CHMP2B: variants seen among roughly 807,000 people sequenced by gnomAD.
The protein encoded by CHMP2B is VPS2 homolog B.
Under a neutral mutation model 29.8 loss-of-function variants are expected in CHMP2B, and 22 were observed. That is an observed-to-expected ratio of 0.74 (90% CI 0.53 to 1.05). The LOEUF is 1.05. Ranked by LOEUF, CHMP2B falls within the 50% of genes least tolerant of loss-of-function variation. CHMP2B has a pLI of 0.00. For synonymous variants in CHMP2B, 78 were observed against 75.8 expected, an observed-to-expected ratio of 1.03 and a Z score of -0.15; for missense variants, 261 against 252.2, an observed-to-expected ratio of 1.03 and a Z score of -0.24.
rs918283842 is a variant in CHMP2B, at chr3:87,242,586, A to G, written c.126+1796A>G. 2.0e-5 allele frequency among the ~76,000 whole-genome samples: 3 copies of G among 152,304 alleles called. No individual in the cohort carries two copies. In the South Asian group the frequency reaches 6.2e-4, roughly 32 times the overall value. On this transcript the variant is annotated intron_variant, in intron 2 of 5. Transcript: ENST00000263780. ...TTCTCCTATGTTTTCTTCTAGAAAT[A>G]TTACAGTTTTAGTTCTTACATTTAA...
At chr3:87,250,189 T>A (rs1413069784) in intron 4 of CHMP2B, among the ~76,000 whole-genome samples, 1 of 151,992 alleles carries the variant, frequency 6.6e-6, no homozygotes, top group African/African-American at 2.4e-5. Flanking sequence ...TTTACTTTAC[T>A]GATTAGTATA....
At chr3:87,246,463 T>G (rs934942531) in intron 3 of CHMP2B, among the ~76,000 whole-genome samples, 2 of 152,112 alleles carry the variant, frequency 1.3e-5, no homozygotes, top group Non-Finnish European at 2.9e-5. Context: ...AAAGATCACA[T>G]GTAGCTTCTA....
At chr3:87,245,972 T>G in intron 3 of CHMP2B, 64 bp downstream of exon 3, 4 of 1,377,402 alleles carry the variant, frequency 2.9e-6, no homozygotes, top group Non-Finnish European at 4.1e-6. Context: ...ATATCAATAT[T>G]GAAAGCAGAT....
chr3:87,237,304 G>A (rs773729918), intron 1 of CHMP2B, among the ~76,000 whole-genome samples: 1 of 152,052 alleles, frequency 6.6e-6, no homozygotes, highest in South Asian at 2.1e-4. Context: ...GTATGTAATC[G>A]AGGTTAAATA....
chr3:87,249,839 A>C, intron 3 of CHMP2B, 36 bp from the exon 4 acceptor site: 1 of 1,299,694 alleles, frequency 7.7e-7, no homozygotes, highest in Non-Finnish European at 1.1e-6. Context: ...TTTCATAATT[A>C]TGGAAGTAAC....
At position 87,245,880 on chromosome 3, in the gene CHMP2B, T is replaced by C. The variant is rs779839985; in HGVS notation, c.293T>C (p.Met98Thr). Residue 98 changes from methionine to threonine, a missense_variant, in exon 3 of 6, where the codon ATG (methionine) becomes ACG (threonine). Physicochemically the swap from Met to Thr is moderately conservative, Grantham distance 81. Transcript: ENST00000263780. ...QTKVMNSQMKMAGAMSTTAKT... is the reference protein window; with the variant it reads ...QTKVMNSQMKTAGAMSTTAKT... ...AAAGTGATGAATTCCCAAATGAAGA[T>C]GGCTGGAGCAATGTCTACTACAGCA... 7.4e-6 allele frequency: 12 copies of C among 1,613,336 alleles called. No individual in the cohort carries two copies. The South Asian group carries it at 1.1e-4, about 15-fold the overall frequency.
intron 1 of CHMP2B, among the ~76,000 whole-genome samples, chr3:87,237,820 T>C (rs1374261185): frequency 6.6e-6 from 1 of 152,134 alleles, no homozygotes; most frequent in Non-Finnish European, 1.5e-5. Context: ...TTAAATGAAA[T>C]GTATGTTTCC....
At chr3:87,240,051 T>A (rs1236006526) in intron 1 of CHMP2B, among the ~76,000 whole-genome samples, 1 of 151,816 alleles carries the variant, frequency 6.6e-6, no homozygotes, top group Non-Finnish European at 1.5e-5. Flanking sequence ...TAAGGAAACA[T>A]GAAAAGGGTG....
rs1187466667 is a variant in CHMP2B, at chr3:87,241,042, G to A, written c.126+252G>A. Among the ~76,000 whole-genome samples, 3 of 152,164 alleles carry A rather than the reference G, an allele frequency of 2.0e-5. No individual in the cohort carries two copies. In the East Asian group the frequency reaches 5.8e-4, roughly 29 times the overall value. ...ATTCTTCAGTTTGTGAGAGTCATAA[G>A]TATCTAGGAAGAAAGATTGCTCAAG... On this transcript the variant is annotated intron_variant, in intron 2 of 5. Coordinates refer to ENST00000263780, the MANE Select transcript of CHMP2B (RefSeq NM_014043.4).
At chr3:87,244,000 CTTTG>C (rs1473438740) in intron 2 of CHMP2B, among the ~76,000 whole-genome samples, 1 of 133,970 alleles carries the variant, frequency 7.5e-6, no homozygotes, top group Non-Finnish European at 1.6e-5. Flanking sequence ...ATGGATTTTT[CTTTG>C]TTTCTGTTTT....
intron 1 of CHMP2B, among the ~76,000 whole-genome samples, chr3:87,228,878 C>G (rs1049939804): frequency 4.0e-5 from 6 of 151,334 alleles, no homozygotes; most frequent in Non-Finnish European, 7.4e-5. Context: ...TTTATTTTTT[C>G]AGTGTTTTAG....
At chr3:87,235,437 T>A (rs983761423) in intron 1 of CHMP2B, among the ~76,000 whole-genome samples, 2 of 152,186 alleles carry the variant, frequency 1.3e-5, no homozygotes, top group Admixed American at 1.3e-4. Flanking sequence ...GTGTTGTGAT[T>A]ATGTTTTAGT....
At chr3:87,237,404 A>G (rs1304411004) in intron 1 of CHMP2B, among the ~76,000 whole-genome samples, 1 of 152,204 alleles carries the variant, frequency 6.6e-6, no homozygotes, top group South Asian at 2.1e-4. Flanking sequence ...CACAGCAAGA[A>G]GGTGGCCATC....
intron 2 of CHMP2B, among the ~76,000 whole-genome samples, chr3:87,242,036 A>T (rs549449055): frequency 1.3e-5 from 2 of 152,276 alleles, no homozygotes; most frequent in South Asian, 4.1e-4. Context: ...TTTCATTTTC[A>T]TAATCACTAA....
At chr3:87,244,362 T>A (rs1706175532) in intron 2 of CHMP2B, among the ~76,000 whole-genome samples, 1 of 151,852 alleles carries the variant, frequency 6.6e-6, no homozygotes, top group African/African-American at 2.4e-5. Flanking sequence ...TATATATATA[T>A]ATTTTTTGTT....
intron 1 of CHMP2B, among the ~76,000 whole-genome samples, chr3:87,232,624 C>T (rs1705929713): frequency 6.6e-6 from 1 of 152,090 alleles, no homozygotes; most frequent in Non-Finnish European, 1.5e-5. Flanking sequence ...AAAATGTGTT[C>T]CCTCTGTATT....
At chr3:87,239,261 T>C (rs916441063) in intron 1 of CHMP2B, among the ~76,000 whole-genome samples, 11 of 151,392 alleles carry the variant, frequency 7.3e-5, no homozygotes, top group Admixed American at 2.7e-4. Flanking sequence ...GCATAAAATT[T>C]TTAATTTTCA....
intron 2 of CHMP2B, 27 bp from the exon 3 acceptor site, chr3:87,245,686 AT>A (rs777310161): frequency 1.9e-6 from 3 of 1,579,642 alleles, no homozygotes; most frequent in Non-Finnish European, 2.6e-6. Flanking sequence ...TAATAATTTT[AT>A]TTTCTTTTGT....
rs1706197122 is a variant in CHMP2B at position 87,245,617 on chromosome 3, A to G, written c.127-97A>G. On this transcript the variant is annotated intron_variant, in intron 2 of 5. Coordinates refer to ENST00000263780, the MANE Select transcript of CHMP2B (RefSeq NM_014043.4). ...TTCCCCTCTTCATGATCGGGGACAA[A>G]GGGTCTGTTATGTGTATTAGATCTG... 69 of 973,150 alleles carry G rather than the reference A, an allele frequency of 7.1e-5. No individual in the cohort carries two copies. The South Asian group carries it at 1.0e-3, about 14-fold the overall frequency. The allele number at this position is 973,150 out of a possible 1,614,324, so 60.3% of individuals were successfully genotyped here.
Sources: allele counts gnomAD v4.1 joint callset (sites outside exome capture counted in the v4.1 genomes callset), GRCh38; gene constraint gnomAD v4.1.1; transcripts MANE v1.5; gene names NCBI Gene and HGNC (gene_info 2026-07-23, HGNC 2026-07-21).